The following TRPM3 variants were observed in gnomAD, a reference collection of about 807,000 sequenced individuals.
TRPM3 encodes transient receptor potential cation channel subfamily M member 3.
TRPM3 carries 77 observed loss-of-function variants against 181.2 expected under a neutral mutation model. The observed-to-expected ratio is 0.42, with a 90% CI of 0.35 to 0.51. The LOEUF (loss-of-function observed/expected upper bound fraction) is 0.51, where lower values mean the gene tolerates loss of function less well. TRPM3 is among the 20% of genes least tolerant of loss of function. TRPM3 has a pLI of 0.01. For synonymous variants in TRPM3, 745 were observed against 796.4 expected (o/e 0.94, Z 1.09); for missense variants, 1,759 against 2,196.7 (o/e 0.80, Z 3.98).
At chr9:70,558,203 T>A (rs2048207138) in intron 22 of TRPM3, among the ~76,000 whole-genome samples, 1 of 152,162 alleles carries the variant, frequency 6.6e-6, no homozygotes, top group Non-Finnish European at 1.5e-5. Context: ...AGTGACTCTA[T>A]CACAGAGAAC....
chr9:70,915,547 T>C (rs556798695), intron 1 of TRPM3, among the ~76,000 whole-genome samples: 6 of 151,852 alleles, frequency 4.0e-5, no homozygotes, highest in East Asian at 2.0e-4. Context: ...CTTTGTGATC[T>C]GCCCGCCTTG....
At chr9:70,917,320 A>C in intron 1 of TRPM3, 1 of 1,254,716 alleles carries the variant, frequency 8.0e-7, no homozygotes, top group Non-Finnish European at 1.2e-6. Context: ...GAGTTTCATG[A>C]AATATTGCTC....
At chr9:70,914,552 G>A (rs1299763454) in intron 1 of TRPM3, among the ~76,000 whole-genome samples, 1 of 152,166 alleles carries the variant, frequency 6.6e-6, no homozygotes, top group East Asian at 1.9e-4. Flanking sequence ...TAAAGGGCAT[G>A]GAGTTACTAC....
chr9:70,981,946 G>A (rs1053921684), intron 1 of TRPM3, among the ~76,000 whole-genome samples: 1 of 152,094 alleles, frequency 6.6e-6, no homozygotes, highest in Admixed American at 6.5e-5. Context: ...AAATGTTCTC[G>A]AGCAGATGGA....
chr9:71,094,474 C>T (rs975673443), intron 1 of TRPM3, among the ~76,000 whole-genome samples: 14 of 152,120 alleles, frequency 9.2e-5, no homozygotes, highest in Non-Finnish European at 1.5e-5. Context: ...TGCTTCTCTA[C>T]TTCTTTTCTA....
intron 1 of TRPM3, among the ~76,000 whole-genome samples, chr9:71,385,453 A>T (rs2092902986): frequency 6.6e-6 from 1 of 152,182 alleles, no homozygotes; most frequent in Non-Finnish European, 1.5e-5. Flanking sequence ...TTACATTTAC[A>T]AATCAGGATT....
At chr9:71,410,884 C>T (rs1413790912) in intron 1 of TRPM3, among the ~76,000 whole-genome samples, 3 of 152,184 alleles carry the variant, frequency 2.0e-5, no homozygotes, top group Non-Finnish European at 2.9e-5. Context: ...TCCAACAGCA[C>T]ATCAAAAAGT....
intron 1 of TRPM3, among the ~76,000 whole-genome samples, chr9:71,155,751 C>G (rs1440042552): frequency 1.3e-5 from 2 of 151,936 alleles, no homozygotes; most frequent in African/African-American, 2.4e-5. Context: ...CAACAATACA[C>G]AAGTAAAATA....
rs117283389 is a variant in TRPM3 at position 70,973,122 on chromosome 9, C to T, written c.178-108611G>A. ...AGGCAGGCCCTGGAATTTGTTTCTG[C>T]TGAATTGTAGTCCTGTCCTCTTTAA... On this transcript the variant is annotated intron_variant, in intron 1 of 25. Coordinates refer to ENST00000677713, the MANE Select transcript of TRPM3 (RefSeq NM_001366145.2). Among the ~76,000 whole-genome samples, 1,516 of 152,266 alleles carry T rather than the reference C, an allele frequency of 1.0e-2. 21 individuals carry two copies. Among genetic ancestry groups the T allele is most frequent in the Middle Eastern group, 0.024 (7 of 294 alleles).
intron 1 of TRPM3, among the ~76,000 whole-genome samples, chr9:70,940,937 A>C (rs1327756612): frequency 6.6e-6 from 1 of 152,252 alleles, no homozygotes; most frequent in Non-Finnish European, 1.5e-5. Context: ...TGAAGTATTA[A>C]GATTTCTCTT....
chr9:70,629,215 C>CGGGTGGCGGGG (rs2065250202), intron 12 of TRPM3, among the ~76,000 whole-genome samples: 4 of 10,174 alleles, frequency 3.9e-4, no homozygotes, highest in African/African-American at 8.2e-4. Flanking sequence ...TGACCAGTGC[C>CGGGTGGCGGGG]GGGGGGGGGG....
intron 1 of TRPM3, chr9:70,917,501 G>T (rs1343847938): frequency 2.8e-6 from 2 of 713,880 alleles, no homozygotes; most frequent in East Asian, 2.6e-5. Context: ...GGCCAAGGGA[G>T]CCACCACGAT....
intron 1 of TRPM3, among the ~76,000 whole-genome samples, chr9:71,111,323 G>T (rs1453626172): frequency 2.0e-5 from 3 of 152,134 alleles, no homozygotes; most frequent in African/African-American, 7.2e-5. Flanking sequence ...TGGGATTCCA[G>T]CAAAATCAAT....
chr9:70,789,096 T>C (rs188895108), intron 6 of TRPM3, among the ~76,000 whole-genome samples: 1 of 152,330 alleles, frequency 6.6e-6, no homozygotes, highest in Non-Finnish European at 1.5e-5. Context: ...ACACTTTTTT[T>C]CTAAATTACA....
At chr9:71,075,384 G>A (rs1268001603) in intron 1 of TRPM3, among the ~76,000 whole-genome samples, 1 of 152,154 alleles carries the variant, frequency 6.6e-6, no homozygotes, top group Non-Finnish European at 1.5e-5. Context: ...TGTTTAAGTA[G>A]ATAAGATGTC....
chr9:70,845,837 A>C (rs534351573), intron 4 of TRPM3, among the ~76,000 whole-genome samples: 2 of 152,318 alleles, frequency 1.3e-5, no homozygotes, highest in Admixed American at 1.3e-4. Context: ...ATATCACAAT[A>C]TAGATGGCAG....
At chr9:70,561,689 C>T (rs939726945) in intron 22 of TRPM3, among the ~76,000 whole-genome samples, 6 of 152,122 alleles carry the variant, frequency 3.9e-5, no homozygotes, top group East Asian at 1.9e-4. Context: ...AATGATATGG[C>T]GCAAAGGCAG....
intron 1 of TRPM3, among the ~76,000 whole-genome samples, chr9:70,989,899 A>C (rs1022094771): frequency 6.6e-6 from 1 of 152,182 alleles, no homozygotes. Flanking sequence ...CCATGTAAAC[A>C]GTGAGAATAA....
chr9:70,915,507 G>A (rs201840282), intron 1 of TRPM3, among the ~76,000 whole-genome samples: 122 of 150,050 alleles, frequency 8.1e-4, no homozygotes, highest in African/African-American at 2.7e-3. Flanking sequence ...GGGTTTCACC[G>A]TGTTAGCCAG....
Sources: gnomAD v4.1 joint callset for allele counts (sites outside exome capture counted in the v4.1 genomes callset) on GRCh38, gnomAD v4.1.1 for gene constraint, MANE v1.5 for transcripts, NCBI Gene and HGNC (gene_info 2026-07-23, HGNC 2026-07-21) for gene names.